Variants in PUDP observed in about 807,000 individuals in gnomAD.
PUDP encodes the protein pseudouridine-5'-phosphatase.
PUDP carries 8 observed loss-of-function variants against 9.4 expected under a neutral mutation model. The observed-to-expected ratio is 0.85, with a 90% CI of 0.50 to 1.53. PUDP has a LOEUF of 1.53. PUDP is among the 40% of genes most tolerant of loss of function. The pLI, the probability that PUDP is intolerant of heterozygous loss-of-function variation, is 0.00. For synonymous variants in PUDP, 99 were observed against 80.7 expected, an observed-to-expected ratio of 1.23 and a Z score of -1.22; for missense variants, 188 against 189.7, an observed-to-expected ratio of 0.99 and a Z score of 0.05.
At chrX:6,841,061 A>G (rs776028471) in intron 3 of PUDP, among the ~76,000 whole-genome samples, 1 of 111,126 alleles carries the variant, frequency 9.0e-6, no homozygotes, top group Admixed American at 9.5e-5. Flanking sequence ...GGTGGATCAC[A>G]AGGTCAGGAG....
intron 3 of PUDP, among the ~76,000 whole-genome samples, chrX:6,915,905 G>C (rs747586883): frequency 5.4e-5 from 6 of 110,616 alleles, no homozygotes; most frequent in Non-Finnish European, 1.1e-4. Flanking sequence ...AGGAGTCTCT[G>C]GGGCAGCAAA....
chrX:7,071,076 A>C (rs778988972), intron 3 of PUDP, among the ~76,000 whole-genome samples: 46 of 111,967 alleles, frequency 4.1e-4, no homozygotes, highest in Admixed American at 1.9e-4. Flanking sequence ...ACATGCAGTT[A>C]CAGGTATTAG....
intron 2 of PUDP, among the ~76,000 whole-genome samples, chrX:7,095,311 A>T (rs1164317585): frequency 1.8e-5 from 2 of 112,296 alleles, no homozygotes. Flanking sequence ...GCTAAGAGCG[A>T]CTGCTTCTTA....
intron 3 of PUDP, among the ~76,000 whole-genome samples, chrX:6,846,454 C>T (rs1354612282): frequency 4.6e-5 from 5 of 108,650 alleles, no homozygotes; most frequent in African/African-American, 1.7e-4. Context: ...GGATGTTTTT[C>T]CATCTCTCCA....
At chrX:6,761,574 C>T (rs750658267) in intron 3 of PUDP, among the ~76,000 whole-genome samples, 4 of 112,265 alleles carry the variant, frequency 3.6e-5, no homozygotes, top group African/African-American at 1.3e-4. Context: ...GTCTTTAAAA[C>T]AGTGCCCTTT....
chrX:6,945,943 T>C (rs959955854), intron 3 of PUDP, among the ~76,000 whole-genome samples: 4 of 111,253 alleles, frequency 3.6e-5, no homozygotes, highest in Non-Finnish European at 5.7e-5. Context: ...CACACCTCGT[T>C]ATACCCCATC....
intron 1 of PUDP, among the ~76,000 whole-genome samples, chrX:6,720,736 G>A (rs1924663993): frequency 9.1e-6 from 1 of 110,460 alleles, no homozygotes; most frequent in Middle Eastern, 4.7e-3. Context: ...CATAGTAAAA[G>A]TTTCATAACG....
intron 3 of PUDP, among the ~76,000 whole-genome samples, chrX:6,848,380 G>C (rs1255495732): frequency 8.9e-6 from 1 of 112,118 alleles, no homozygotes; most frequent in Non-Finnish European, 1.9e-5. Context: ...AAATAGGTCT[G>C]TGGGACTCCA....
chrX:7,025,834 T>C (rs1350193364), intron 1 of PUDP, among the ~76,000 whole-genome samples: 4 of 112,358 alleles, frequency 3.6e-5, no homozygotes, highest in Non-Finnish European at 7.5e-5. Context: ...TTTGAACATT[T>C]ATTTAGCACT....
At chrX:6,938,774 TTTTC>T (rs1179137148) in intron 3 of PUDP, among the ~76,000 whole-genome samples, 54 of 101,639 alleles carry the variant, frequency 5.3e-4, no homozygotes, top group Admixed American at 4.2e-3. Context: ...TTTCTTTTTC[TTTTC>T]TTTCTTTCTT....
rs763744062 is a variant in PUDP, at chrX:6,798,720, TTCAA to T, written c.*248-92258_*248-92255del. On this transcript the variant is annotated intron_variant and NMD_transcript_variant, in intron 3 of 3. Transcript: ENST00000655425. Reference sequence around the variant, plus strand: ...GAATAATGGTTAAGTAAATTATGCTTTCAATCAAATATCTTGCAAGCATTTAAAA... The same window carrying T: ...GAATAATGGTTAAGTAAATTATGCTTTCAAATATCTTGCAAGCATTTAAAA... 4.5e-5 allele frequency among the ~76,000 whole-genome samples: 5 copies of T among 112,305 alleles called. No homozygotes were observed. The East Asian group carries it at 1.1e-3, about 25-fold the overall frequency.
At chrX:6,775,322 C>G (rs1925432307) in intron 3 of PUDP, among the ~76,000 whole-genome samples, 1 of 111,152 alleles carries the variant, frequency 9.0e-6, no homozygotes, top group African/African-American at 3.3e-5. Flanking sequence ...ATAGATATAC[C>G]ACATTTGTTT....
At chrX:6,843,313 G>A (rs182378219) in intron 3 of PUDP, among the ~76,000 whole-genome samples, 17 of 111,582 alleles carry the variant, frequency 1.5e-4, no homozygotes, top group South Asian at 7.6e-4. Context: ...CAGTGTTTCC[G>A]TGAATTAAAC....
rs931618820 is a variant in PUDP at position 6,816,821 on chromosome X, G to T, written c.*248-110355C>A. On this transcript the variant is annotated intron_variant and NMD_transcript_variant, in intron 3 of 3. Transcript: ENST00000655425. The stretch of plus-strand genomic sequence containing the variant: ...TATATACAATATATATACACATACA[G>T]TATATACTATATAGTATATACAATA... Among the ~76,000 whole-genome samples the T allele has an allele frequency of 2.1e-3, 187 of 90,087 alleles. 1 individual carries two copies. The highest frequency in any genetic ancestry group is 7.3e-3 in the African/African-American group (175 of 24,010). 78.2% of individuals were successfully genotyped at this position (90,087 alleles called of 115,157 possible). A position where few individuals can be genotyped will look rare whatever the true frequency, so the allele number is the denominator to read the frequency against.
At chrX:7,106,416 A>G (rs1441178029) in intron 1 of PUDP, among the ~76,000 whole-genome samples, 1 of 112,515 alleles carries the variant, frequency 8.9e-6, no homozygotes, top group African/African-American at 3.2e-5. Context: ...CTCAGGGCAC[A>G]GCCTCAGAAA....
chrX:7,067,452 G>A (rs1394951289), intron 3 of PUDP, among the ~76,000 whole-genome samples: 4 of 111,974 alleles, frequency 3.6e-5, no homozygotes, highest in Non-Finnish European at 5.6e-5. Flanking sequence ...AAACCAGTCT[G>A]GAGGAACGCA....
chrX:6,960,543 G>A (rs1255475113), intron 3 of PUDP, among the ~76,000 whole-genome samples: 4 of 111,873 alleles, frequency 3.6e-5, no homozygotes, highest in Non-Finnish European at 5.6e-5. Flanking sequence ...CCGGCATCCA[G>A]AATTGCGAGC....
intron 3 of PUDP, among the ~76,000 whole-genome samples, chrX:6,745,001 C>G (rs1400196080): frequency 8.9e-6 from 1 of 111,918 alleles, no homozygotes; most frequent in Non-Finnish European, 1.9e-5. Flanking sequence ...TGCCACCAGT[C>G]AGCAACTACT....
intron 3 of PUDP, among the ~76,000 whole-genome samples, chrX:6,801,724 C>T (rs1043383523): frequency 9.0e-6 from 1 of 111,721 alleles, no homozygotes; most frequent in Non-Finnish European, 1.9e-5. Context: ...TAGAATAATT[C>T]CCCATTGCTG....
Sources: allele counts gnomAD v4.1 joint callset (sites outside exome capture counted in the v4.1 genomes callset), GRCh38; gene constraint gnomAD v4.1.1; transcripts MANE v1.5; gene names NCBI Gene and HGNC (gene_info 2026-07-23, HGNC 2026-07-21).